The following IFT80 variants were observed in gnomAD, a reference collection of about 807,000 sequenced individuals.
The protein encoded by IFT80 is intraflagellar transport 80.
IFT80 carries 79 observed loss-of-function variants against 107.9 expected under a neutral mutation model. That is an observed-to-expected ratio of 0.73 (90% CI 0.61 to 0.88). The LOEUF (loss-of-function observed/expected upper bound fraction) is 0.88, where lower values mean the gene tolerates loss of function less well. IFT80 is among the 40% of genes least tolerant of loss of function. The pLI is 0.00. For synonymous variants in IFT80, 299 were observed against 300.9 expected (o/e 0.99, Z 0.07); for missense variants, 797 against 914.2 (o/e 0.87, Z 1.65).
intron 5 of IFT80, among the ~76,000 whole-genome samples, chr3:160,370,297 CTATCTGTTAACTACTACAAATTATTTTG>C: frequency 6.6e-6 from 1 of 151,798 alleles, no homozygotes; most frequent in South Asian, 2.1e-4. Flanking sequence ...CTATATAGCA[CTATCTGTTAACTACTACAAATTATTTTG>C]TAATAAGCAA....
At chr3:160,295,074 T>G (rs997481600) in intron 12 of IFT80, among the ~76,000 whole-genome samples, 1 of 152,216 alleles carries the variant, frequency 6.6e-6, no homozygotes, top group Admixed American at 6.5e-5. Context: ...GAGTTGATTT[T>G]AAGACAGACA....
At chr3:160,356,278 A>G (rs1009589060) in intron 7 of IFT80, 128 bp from the exon 8 acceptor site, 2 of 725,826 alleles carry the variant, frequency 2.8e-6, no homozygotes, top group South Asian at 2.0e-5. Context: ...TTTGTCTTCC[A>G]GTAAGGTAGT....
intron 8 of IFT80, among the ~76,000 whole-genome samples, chr3:160,351,954 CAT>C (rs1720738330): frequency 6.6e-6 from 1 of 151,638 alleles, no homozygotes; most frequent in African/African-American, 2.4e-5. Flanking sequence ...TACCATCACA[CAT>C]ATGATTCATA....
intron 5 of IFT80, among the ~76,000 whole-genome samples, chr3:160,369,013 C>CTCT (rs1722056853): frequency 6.6e-6 from 1 of 151,864 alleles, no homozygotes; most frequent in African/African-American, 2.4e-5. Flanking sequence ...CTCTTTAGTC[C>CTCT]TCTTAACTTT....
At chr3:160,348,118 T>C (rs774429079) in intron 8 of IFT80, among the ~76,000 whole-genome samples, 7 of 152,188 alleles carry the variant, frequency 4.6e-5, no homozygotes, top group Non-Finnish European at 1.0e-4. Flanking sequence ...ATTTTATTTA[T>C]TTACTTCTTT....
intron 19 of IFT80, among the ~76,000 whole-genome samples, chr3:160,261,801 C>CAAA (rs557472950): frequency 4.3e-4 from 29 of 66,760 alleles, no homozygotes; most frequent in African/African-American, 1.0e-3. Flanking sequence ...GACCCTGTCT[C>CAAA]AAAAAAAAAA....
intron 12 of IFT80, among the ~76,000 whole-genome samples, chr3:160,290,890 C>T (rs1715504729): frequency 6.6e-6 from 1 of 152,170 alleles, no homozygotes; most frequent in South Asian, 2.1e-4. Context: ...GTAGTTGTGT[C>T]TCATTTACCA....
Position 160,399,197 on chromosome 3 carries a change from C to G in IFT80, c.-98G>C, listed in dbSNP as rs375150390. The G allele has an allele frequency of 5.3e-5, 8 of 152,328 alleles. No homozygotes were observed. In the East Asian group the frequency reaches 1.4e-3, roughly 26 times the overall value. 9.4% of individuals were successfully genotyped at this position (152,328 alleles called of 1,614,324 possible). ...TTGCTCTCAAATACCTGGTACCTCC[C>G]CGTCACCATAGTGACTTCTAAGAGT... On this transcript the variant is annotated 5_prime_UTR_variant, in exon 1 of 20. Coordinates refer to ENST00000326448, the MANE Select transcript of IFT80 (RefSeq NM_020800.3).
At chr3:160,297,205 G>GT (rs763495272) in intron 12 of IFT80, among the ~76,000 whole-genome samples, 12 of 151,978 alleles carry the variant, frequency 7.9e-5, no homozygotes, top group Non-Finnish European at 1.3e-4. Flanking sequence ...AGTCTCAATC[G>GT]TAACAGTGAT....
intron 8 of IFT80, among the ~76,000 whole-genome samples, chr3:160,338,014 T>C (rs564435119): frequency 1.0e-3 from 153 of 152,326 alleles, no homozygotes; most frequent in African/African-American, 3.6e-3. Context: ...GTACTTTGGA[T>C]CTTCTCTGCC....
At chr3:160,371,020 G>A (rs1443496798) in intron 5 of IFT80, among the ~76,000 whole-genome samples, 1 of 152,028 alleles carries the variant, frequency 6.6e-6, no homozygotes, top group African/African-American at 2.4e-5. Flanking sequence ...TACTTTCCTG[G>A]TCAATTTTTT....
intron 8 of IFT80, among the ~76,000 whole-genome samples, chr3:160,333,764 TAC>T (rs1265295757): frequency 6.6e-6 from 1 of 152,212 alleles, no homozygotes; most frequent in Non-Finnish European, 1.5e-5. Flanking sequence ...GAGGCTGTAT[TAC>T]AGTTAACTTC....
At position 160,307,708 on chromosome 3, in the gene IFT80, T is replaced by C. The variant is rs1716927742; in HGVS notation, c.1031A>G (p.Tyr344Cys). The C allele has an allele frequency of 4.4e-6, 7 of 1,603,562 alleles. No individual in the cohort carries two copies. Among genetic ancestry groups the C allele is most frequent in the Non-Finnish European group, 5.1e-6 (6 of 1,170,600 alleles). Residue 344 changes from tyrosine to cysteine, a missense_variant, in exon 10 of 20, where the codon TAT (tyrosine) becomes TGT (cysteine). Tyr to Cys is a radical substitution (Grantham distance 194). Transcript: ENST00000326448. Reference protein sequence around the residue: ...RDRVIKASLNYAHLVVSTSLQ... With the variant: ...RDRVIKASLNCAHLVVSTSLQ... ...AGACGTTGAAACAACTAAGTGTGCA[T>C]AGTTCAAAGATGCTTTAATGACTCT...
rs987673974 is a variant in IFT80 at position 160,389,869 on chromosome 3, T to C, written c.-46-5223A>G. Among the ~76,000 whole-genome samples the C allele has an allele frequency of 4.6e-5, 7 of 152,278 alleles. No homozygotes were observed. In the South Asian group the frequency reaches 6.2e-4, roughly 14 times the overall value. On this transcript the variant is annotated intron_variant, in intron 1 of 19. Transcript: ENST00000326448. The stretch of plus-strand genomic sequence containing the variant: ...CCACTAATGGGATGGCTGGGTCAAA[T>C]GGTATTTCTAGTTCTAGATCCCTGA...
chr3:160,291,772 G>A (rs1715577354), intron 12 of IFT80, among the ~76,000 whole-genome samples: 1 of 152,160 alleles, frequency 6.6e-6, no homozygotes, highest in African/African-American at 2.4e-5. Context: ...AACTTACTGT[G>A]GGAATCTGAT....
intron 8 of IFT80, among the ~76,000 whole-genome samples, chr3:160,341,751 G>T (rs1441784505): frequency 6.6e-6 from 1 of 152,152 alleles, no homozygotes; most frequent in Non-Finnish European, 1.5e-5. Context: ...AGAAAAAAAG[G>T]ACCTGGATAT....
chr3:160,263,820 G>A (rs915550662), intron 19 of IFT80, among the ~76,000 whole-genome samples: 2 of 151,980 alleles, frequency 1.3e-5, no homozygotes, highest in African/African-American at 4.8e-5. Flanking sequence ...GGGACTACAG[G>A]TGCATGCCAC....
chr3:160,319,915 T>A lies in IFT80; in HGVS notation c.802A>T (p.Asn268Tyr). The change falls in exon 9 of 20, where the codon AAC (asparagine) becomes TAC (tyrosine). Residue 268 changes from asparagine to tyrosine, a missense_variant. By Grantham distance (143) the Asn-to-Tyr change is moderately radical (BLOSUM62 -2). Coordinates refer to ENST00000326448, the MANE Select transcript of IFT80 (RefSeq NM_020800.3). ...GCAATATTAAATATGCTGCCAGTGT[T>A]GGGTTTTTCTAATGCATATGACCAC... ...TGWSYALEKPNTGSIFNIAWS... is the reference protein window; with the variant it reads ...TGWSYALEKPYTGSIFNIAWS... The A allele has an allele frequency of 3.1e-6, 5 of 1,611,796 alleles. No individual in the cohort carries two copies. The highest frequency in any genetic ancestry group is 3.4e-6 in the Non-Finnish European group (4 of 1,179,088).
At chr3:160,358,642 C>T (rs753603969) in intron 6 of IFT80, among the ~76,000 whole-genome samples, 1 of 152,162 alleles carries the variant, frequency 6.6e-6, no homozygotes, top group Non-Finnish European at 1.5e-5. Context: ...GCATGAGCCA[C>T]CGTGCCCAGC....
Sources: allele counts gnomAD v4.1 joint callset (sites outside exome capture counted in the v4.1 genomes callset), GRCh38; gene constraint gnomAD v4.1.1; transcripts MANE v1.5; gene names NCBI Gene and HGNC (gene_info 2026-07-23, HGNC 2026-07-21).